Variants in GRIA2 observed in about 807,000 individuals in gnomAD.
GRIA2 encodes the protein glutamate ionotropic receptor AMPA type subunit 2, also known as glutamate receptor 2.
GRIA2 carries 14 observed loss-of-function variants against 97.3 expected under a neutral mutation model. That is an observed-to-expected ratio of 0.14 (90% CI 0.10 to 0.23). GRIA2 has a LOEUF of 0.23. GRIA2 is among the 10% of genes least tolerant of loss of function. GRIA2 has a pLI of 1.00. For synonymous variants in GRIA2, 412 were observed against 387.8 expected, an observed-to-expected ratio of 1.06 and a Z score of -0.73; for missense variants, 558 against 1,069.8, an observed-to-expected ratio of 0.52 and a Z score of 6.67.
chr4:157,262,208 T>C (rs1731572262), intron 2 of GRIA2, among the ~76,000 whole-genome samples: 1 of 152,040 alleles, frequency 6.6e-6, no homozygotes, highest in African/African-American at 2.4e-5. Flanking sequence ...GAACTTCACT[T>C]GTAATCTTCA....
chr4:157,261,808 T>A (rs551708513), intron 2 of GRIA2, among the ~76,000 whole-genome samples: 1 of 152,190 alleles, frequency 6.6e-6, no homozygotes, highest in East Asian at 1.9e-4. Flanking sequence ...GTCAAAGCAG[T>A]GTATAATATT....
intron 2 of GRIA2, among the ~76,000 whole-genome samples, chr4:157,270,218 A>G (rs1023672364): frequency 6.6e-6 from 1 of 152,088 alleles, no homozygotes; most frequent in African/African-American, 2.4e-5. Flanking sequence ...CCATTCTTCC[A>G]CTGCCTTGTG....
chr4:157,340,581 T>A (rs1429181851), intron 11 of GRIA2, among the ~76,000 whole-genome samples: 1 of 151,962 alleles, frequency 6.6e-6, no homozygotes, highest in Non-Finnish European at 1.5e-5. Context: ...AGTTTTATTT[T>A]TTTTTGAGCA....
intron 2 of GRIA2, among the ~76,000 whole-genome samples, chr4:157,297,397 A>C (rs769536515): frequency 6.6e-5 from 10 of 152,182 alleles, no homozygotes; most frequent in Non-Finnish European, 1.3e-4. Flanking sequence ...TAAATAGTTA[A>C]TATCAACATT....
intron 3 of GRIA2, among the ~76,000 whole-genome samples, chr4:157,304,314 G>A (rs1733744903): frequency 6.6e-6 from 1 of 152,156 alleles, no homozygotes; most frequent in South Asian, 2.1e-4. Context: ...ACAGGTCTCT[G>A]ATACCAAACC....
intron 12 of GRIA2, among the ~76,000 whole-genome samples, chr4:157,347,907 C>G (rs191657659): frequency 2.2e-4 from 33 of 152,184 alleles, no homozygotes; most frequent in African/African-American, 7.2e-4. Context: ...AGGCAGATCT[C>G]GAGGTCAAGA....
chr4:157,343,394 T>C (rs1396344442), intron 12 of GRIA2, among the ~76,000 whole-genome samples: 1 of 152,088 alleles, frequency 6.6e-6, no homozygotes, highest in Non-Finnish European at 1.5e-5. Flanking sequence ...CTAATAAGTA[T>C]GCTGAGGTCT....
intron 12 of GRIA2, among the ~76,000 whole-genome samples, chr4:157,349,910 T>C (rs1017470601): frequency 6.6e-6 from 1 of 152,200 alleles, no homozygotes; most frequent in Admixed American, 6.5e-5. Context: ...TAATCTCTAA[T>C]GTCCGTATCA....
At chr4:157,324,803 G>A (rs1231417522) in intron 6 of GRIA2, among the ~76,000 whole-genome samples, 1 of 151,970 alleles carries the variant, frequency 6.6e-6, no homozygotes, top group Non-Finnish European at 1.5e-5. Context: ...CAGAAGAGAG[G>A]AAGAAAAACT....
At chr4:157,237,220 C>A (rs1295581581) in intron 2 of GRIA2, among the ~76,000 whole-genome samples, 2 of 151,330 alleles carry the variant, frequency 1.3e-5, no homozygotes, top group Admixed American at 1.3e-4. Context: ...ATTTTTCCTT[C>A]GTAAGGTTAG....
chr4:157,300,341 A>G (rs1733560798), intron 2 of GRIA2, among the ~76,000 whole-genome samples: 2 of 152,128 alleles, frequency 1.3e-5, no homozygotes, highest in African/African-American at 4.8e-5. Context: ...TTTGGGGATA[A>G]CATGTTAGAA....
At chr4:157,335,973 T>A (rs1735267046) in intron 10 of GRIA2, 96 bp downstream of exon 10, 2 of 805,392 alleles carry the variant, frequency 2.5e-6, no homozygotes, top group African/African-American at 3.4e-5. Context: ...TCTGAGGTTG[T>A]TGATTTCCCA....
At chr4:157,283,563 A>T (rs1401146623) in intron 2 of GRIA2, among the ~76,000 whole-genome samples, 1 of 152,022 alleles carries the variant, frequency 6.6e-6, no homozygotes, top group African/African-American at 2.4e-5. Flanking sequence ...ATTCATCAGA[A>T]TCACTGGCCT....
At chr4:157,277,296 TATC>T (rs1239580592) in intron 2 of GRIA2, among the ~76,000 whole-genome samples, 1 of 151,924 alleles carries the variant, frequency 6.6e-6, no homozygotes. Context: ...CGCATAATCA[TATC>T]ATATGCAGAA....
In GRIA2 at chr4:157,335,245, G is replaced by T. The variant is rs140991663; in HGVS notation, c.1267-426G>T. ...GATTTCCACATGAACCTTATCTTTG[G>T]GACAGCAGTGACACAGGGTTTTGGG... On this transcript the variant is annotated intron_variant, in intron 9 of 15. Transcript: ENST00000264426. The T allele has an allele frequency of 2.0e-5, 4 of 199,070 alleles. No homozygotes were observed. In the Admixed American group the frequency reaches 2.1e-4, roughly 11 times the overall value. The allele number at this position is 199,070 out of a possible 1,614,324, so 12.3% of individuals were successfully genotyped here.
intron 2 of GRIA2, among the ~76,000 whole-genome samples, chr4:157,248,926 C>T (rs755070479): frequency 6.6e-6 from 1 of 151,398 alleles, no homozygotes; most frequent in Non-Finnish European, 1.5e-5. Flanking sequence ...TAACTTTAAC[C>T]TCCTGGAATC....
chr4:157,258,811 G>A (rs561744584), intron 2 of GRIA2, among the ~76,000 whole-genome samples: 10 of 152,084 alleles, frequency 6.6e-5, no homozygotes, highest in South Asian at 4.1e-4. Context: ...CAGAGCAGCC[G>A]ACACTTAGGG....
At chr4:157,252,286 G>A (rs1260472121) in intron 2 of GRIA2, among the ~76,000 whole-genome samples, 2 of 152,084 alleles carry the variant, frequency 1.3e-5, no homozygotes, top group Non-Finnish European at 2.9e-5. Flanking sequence ...ACTGCGAGCC[G>A]ACTGGGCCAC....
At chr4:157,351,735 G>A (rs1297986864) in intron 12 of GRIA2, among the ~76,000 whole-genome samples, 1 of 152,106 alleles carries the variant, frequency 6.6e-6, no homozygotes, top group Non-Finnish European at 1.5e-5. Context: ...CTGTTCTTGT[G>A]ATAGTGACTG....
Sources: gnomAD v4.1 joint callset for allele counts (sites outside exome capture counted in the v4.1 genomes callset) on GRCh38, gnomAD v4.1.1 for gene constraint, MANE v1.5 for transcripts, NCBI Gene and HGNC (gene_info 2026-07-23, HGNC 2026-07-21) for gene names.